Variants in IGF1R observed in about 807,000 individuals in gnomAD.
IGF1R encodes insulin like growth factor 1 receptor, also known as insulin-like growth factor 1 receptor.
Under a neutral mutation model 144.6 loss-of-function variants are expected in IGF1R, and 44 were observed. The observed-to-expected ratio is 0.30, with a 90% CI of 0.24 to 0.39. IGF1R has a LOEUF of 0.39. IGF1R is among the 10% of genes least tolerant of loss of function. The pLI is 1.00. For synonymous variants in IGF1R, 795 were observed against 722.8 expected, an observed-to-expected ratio of 1.10 and a Z score of -1.60; for missense variants, 1,355 against 1,833.7, an observed-to-expected ratio of 0.74 and a Z score of 4.77.
In IGF1R at chr15:98,891,517, A is replaced by C; in HGVS notation, c.833A>C (p.Asp278Ala). 6.2e-7 allele frequency: 1 copy of C among 1,613,532 alleles called. No individual in the cohort carries two copies. The highest frequency in any genetic ancestry group is 8.5e-7 in the Non-Finnish European group (1 of 1,180,028). The change falls in exon 3 of 21, where the codon GAC (aspartate) becomes GCC (alanine). Residue 278 changes from aspartate (D) to alanine (A), a missense_variant. By Grantham distance (126) the Asp-to-Ala change is moderately radical. Coordinates refer to ENST00000650285, the MANE Select transcript of IGF1R (RefSeq NM_000875.5). The surrounding 1 kb of genome is among the most constrained non-coding windows in gnomAD (Gnocchi z 4.7). ...AGGTTTGAGGGCTGGCGCTGTGTGGACCGTGACTTCTGCGCCAACATCCTC... is the reference window on the plus strand; with the variant it reads ...AGGTTTGAGGGCTGGCGCTGTGTGGCCCGTGACTTCTGCGCCAACATCCTC... ...TYRFEGWRCV[D>A]RDFCANILSA...
intron 2 of IGF1R, among the ~76,000 whole-genome samples, chr15:98,878,155 T>C (rs1026536853): frequency 6.6e-6 from 1 of 152,240 alleles, no homozygotes; most frequent in African/African-American, 2.4e-5. Flanking sequence ...ACACTAGTTT[T>C]AGGAGATGCA....
intron 2 of IGF1R, among the ~76,000 whole-genome samples, chr15:98,859,626 C>G (rs2012034678): frequency 6.6e-6 from 1 of 152,168 alleles, no homozygotes; most frequent in Non-Finnish European, 1.5e-5. Context: ...ACGGTTTTTG[C>G]AAGCTTGTGC....
At chr15:98,866,290 A>C (rs911438535) in intron 2 of IGF1R, among the ~76,000 whole-genome samples, 3 of 152,136 alleles carry the variant, frequency 2.0e-5, no homozygotes, top group African/African-American at 7.2e-5. Context: ...GTACCCAGTA[A>C]ATGCAGATCC....
chr15:98,925,394 T>C (rs1196951097), intron 13 of IGF1R, among the ~76,000 whole-genome samples: 2 of 152,138 alleles, frequency 1.3e-5, no homozygotes, highest in Non-Finnish European at 2.9e-5. Context: ...CAACAAAACT[T>C]AGTATTTTGG....
intron 5 of IGF1R, among the ~76,000 whole-genome samples, chr15:98,901,212 G>C (rs970753321): frequency 2.6e-5 from 4 of 152,184 alleles, no homozygotes; most frequent in African/African-American, 9.7e-5. Flanking sequence ...CCGGGCCCCT[G>C]GCCTGCTCTT....
intron 1 of IGF1R, among the ~76,000 whole-genome samples, chr15:98,659,197 T>G (rs534120532): frequency 1.3e-5 from 2 of 152,378 alleles, no homozygotes; most frequent in Admixed American, 1.3e-4. Context: ...TTTGCTAAGG[T>G]GTTTATTAAC....
At chr15:98,748,136 A>C (rs556741619) in intron 2 of IGF1R, among the ~76,000 whole-genome samples, 1 of 152,284 alleles carries the variant, frequency 6.6e-6, no homozygotes, top group Non-Finnish European at 1.5e-5. Flanking sequence ...TTTCATATTT[A>C]CTTCTGCATG....
chr15:98,805,567 C>G (rs1031625020), intron 2 of IGF1R, among the ~76,000 whole-genome samples: 2 of 152,144 alleles, frequency 1.3e-5, no homozygotes, highest in Non-Finnish European at 2.9e-5. Context: ...CCCTCCAGCC[C>G]TTCTGAAATG....
At chr15:98,713,774 C>CA (rs568760052) in intron 2 of IGF1R, among the ~76,000 whole-genome samples, 26 of 151,822 alleles carry the variant, frequency 1.7e-4, no homozygotes, top group East Asian at 3.9e-4. Flanking sequence ...CACTTTCCCA[C>CA]AAAAAAAACC....
chr15:98,863,651 C>G (rs1235950651), intron 2 of IGF1R, among the ~76,000 whole-genome samples: 1 of 152,202 alleles, frequency 6.6e-6, no homozygotes, highest in Non-Finnish European at 1.5e-5. Context: ...TATGCAGAAG[C>G]TTAAGAAATC....
intron 2 of IGF1R, among the ~76,000 whole-genome samples, chr15:98,868,046 C>G (rs2012548610): frequency 6.6e-6 from 1 of 152,036 alleles, no homozygotes; most frequent in Non-Finnish European, 1.5e-5. Context: ...GCTAAAAATA[C>G]AAAAATTAGA....
At chr15:98,882,938 C>G (rs1250905150) in intron 2 of IGF1R, among the ~76,000 whole-genome samples, 2 of 152,224 alleles carry the variant, frequency 1.3e-5, no homozygotes, top group Non-Finnish European at 2.9e-5. Flanking sequence ...ACTGAGAATT[C>G]TGCTCAGGTG....
At chr15:98,727,797 G>A (rs561746187) in intron 2 of IGF1R, among the ~76,000 whole-genome samples, 4 of 152,130 alleles carry the variant, frequency 2.6e-5, no homozygotes, top group Admixed American at 1.3e-4. Flanking sequence ...GTGTGGCGGC[G>A]GCAGAAGGAC....
intron 17 of IGF1R, among the ~76,000 whole-genome samples, chr15:98,938,845 A>G (rs1476290988): frequency 2.0e-5 from 3 of 152,240 alleles, no homozygotes; most frequent in African/African-American, 2.4e-5. Flanking sequence ...AAAGGAACAT[A>G]TAAACAAATA....
chr15:98,914,533 T>C (rs903166215), intron 8 of IGF1R, among the ~76,000 whole-genome samples: 1 of 152,172 alleles, frequency 6.6e-6, no homozygotes, highest in Non-Finnish European at 1.5e-5. Context: ...GAAACAAAAT[T>C]GGCACAGGCT....
intron 10 of IGF1R, 39 bp downstream of exon 10, chr15:98,916,915 C>A: frequency 6.4e-7 from 1 of 1,567,878 alleles, no homozygotes; most frequent in Non-Finnish European, 8.8e-7. Flanking sequence ...GCAAAACCCA[C>A]TGCTCAGGCC....
intron 1 of IGF1R, among the ~76,000 whole-genome samples, chr15:98,657,023 A>G (rs543500152): frequency 2.0e-5 from 3 of 152,234 alleles, no homozygotes; most frequent in Admixed American, 1.3e-4. Flanking sequence ...TTTATAGAGC[A>G]TAACTTGAAA....
chr15:98,869,434 CTTT>C (rs60569365), intron 2 of IGF1R, among the ~76,000 whole-genome samples: 11 of 134,922 alleles, frequency 8.2e-5, no homozygotes, highest in Admixed American at 1.5e-4. Flanking sequence ...CCTTGAGATT[CTTT>C]TTTTTTTTTT....
At chr15:98,916,352 C>T (rs1452564305) in intron 9 of IGF1R, 1 of 567,574 alleles carries the variant, frequency 1.8e-6, no homozygotes, top group Non-Finnish European at 3.1e-6. Context: ...ATTTCTGCCT[C>T]CCAGGTTCAA....
Sources: gnomAD v4.1 joint callset for allele counts (sites outside exome capture counted in the v4.1 genomes callset) on GRCh38, gnomAD v4.1.1 for gene constraint, Gnocchi (gnomAD v3.1) non-coding constraint, MANE v1.5 for transcripts, NCBI Gene and HGNC (gene_info 2026-07-23, HGNC 2026-07-21) for gene names.